PTPRD: variants seen among roughly 807,000 people sequenced by gnomAD.
PTPRD encodes protein tyrosine phosphatase receptor type D, also known as receptor-type tyrosine-protein phosphatase delta.
Under a neutral mutation model 214.5 loss-of-function variants are expected in PTPRD, and 34 were observed. The observed-to-expected ratio is 0.16, with a 90% CI of 0.12 to 0.21. The LOEUF (loss-of-function observed/expected upper bound fraction) is 0.21. PTPRD is among the 10% of genes least tolerant of loss of function. The probability of loss-of-function intolerance (pLI) is 1.00; values close to 1 mark genes in which losing one functional copy is unlikely to be tolerated. For synonymous variants in PTPRD, 1,128 were observed against 845.7 expected (o/e 1.33, Z -5.79); for missense variants, 2,545 against 2,398.7 (o/e 1.06, Z -1.27).
intron 7 of PTPRD, among the ~76,000 whole-genome samples, chr9:9,719,705 T>A (rs2097901557): frequency 6.6e-6 from 1 of 152,194 alleles, no homozygotes; most frequent in Non-Finnish European, 1.5e-5. Context: ...CCTTCTGGGA[T>A]CCCCGACCTC....
chr9:10,558,534 C>T (rs1404537891), intron 2 of PTPRD, among the ~76,000 whole-genome samples: 1 of 152,102 alleles, frequency 6.6e-6, no homozygotes, highest in Non-Finnish European at 1.5e-5. Flanking sequence ...GGTGCAGCTA[C>T]TTAGCCATGT....
intron 2 of PTPRD, among the ~76,000 whole-genome samples, chr9:10,451,260 T>G: frequency 6.6e-6 from 1 of 151,948 alleles, no homozygotes; most frequent in East Asian, 1.9e-4. Context: ...AGCAGAGAAA[T>G]AAATTATTGT....
chr9:8,741,212 GA>G (rs142984930), intron 11 of PTPRD, among the ~76,000 whole-genome samples: 12,009 of 150,182 alleles, frequency 0.08, 1,121 homozygotes, highest in African/African-American at 0.23. Context: ...AGATAGAAAG[GA>G]AAAAAAAACC....
intron 3 of PTPRD, among the ~76,000 whole-genome samples, chr9:10,279,858 C>T (rs2154392647): frequency 6.6e-6 from 1 of 152,194 alleles, no homozygotes; most frequent in African/African-American, 2.4e-5. Context: ...TACCAGTGCC[C>T]TTTTCTAGAA....
At chr9:9,236,505 C>T (rs1360963920) in intron 9 of PTPRD, among the ~76,000 whole-genome samples, 1 of 151,782 alleles carries the variant, frequency 6.6e-6, no homozygotes, top group Non-Finnish European at 1.5e-5. Flanking sequence ...TCCTGGGAGT[C>T]CCTGACACTC....
chr9:9,646,511 C>G (rs2096182868), intron 7 of PTPRD, among the ~76,000 whole-genome samples: 3 of 152,042 alleles, frequency 2.0e-5, no homozygotes, highest in African/African-American at 7.2e-5. Flanking sequence ...TGCTGGCTCG[C>G]TATGATGTAT....
rs866809596 is a variant in PTPRD, at chr9:9,135,431, T to C, written c.-143+47873A>G. Among the ~76,000 whole-genome samples the C allele has an allele frequency of 7.9e-5, 12 of 152,322 alleles. 1 individual carries two copies. In the South Asian group the frequency reaches 2.1e-3, roughly 26 times the overall value. On this transcript the variant is annotated intron_variant, in intron 10 of 45. Coordinates refer to ENST00000381196, the MANE Select transcript of PTPRD (RefSeq NM_002839.4). ...GTGTGTATACACAGAGTTTAAAGGA[T>C]TGAAGATGATGAGATCATTTTCCCT...
chr9:10,002,778 G>C (rs1368596434), intron 4 of PTPRD, among the ~76,000 whole-genome samples: 2 of 149,396 alleles, frequency 1.3e-5, no homozygotes, highest in Non-Finnish European at 3.0e-5. Flanking sequence ...TAGATAAAAT[G>C]AAAAAGTAGA....
rs182639246 is a variant in PTPRD, at chr9:9,286,782, A to G, written c.-202-103419T>C. Among the ~76,000 whole-genome samples the G allele has an allele frequency of 1.6e-3, 232 of 148,184 alleles. 1 individual carries two copies. The highest frequency in any genetic ancestry group is 5.4e-3 in the African/African-American group (219 of 40,354). ...TAGGCCAGTGTCTCATTTTTCTTTG[A>G]TCTTTCTGTTGATAGCATAGTGCCT... is the stretch of plus-strand genomic sequence containing the variant. On this transcript the variant is annotated intron_variant, in intron 9 of 45. Coordinates refer to ENST00000381196, the MANE Select transcript of PTPRD (RefSeq NM_002839.4).
At chr9:9,493,717 G>A (rs1461702102) in intron 8 of PTPRD, among the ~76,000 whole-genome samples, 1 of 148,716 alleles carries the variant, frequency 6.7e-6, no homozygotes, top group Non-Finnish European at 1.5e-5. Context: ...GAACCCAGGA[G>A]GCAGAGCTTG....
At chr9:8,728,362 A>G (rs1480621970) in intron 12 of PTPRD, among the ~76,000 whole-genome samples, 1 of 152,232 alleles carries the variant, frequency 6.6e-6, no homozygotes, top group Non-Finnish European at 1.5e-5. Context: ...TTTTTATTTT[A>G]CTTTCTAAGA....
intron 2 of PTPRD, among the ~76,000 whole-genome samples, chr9:10,465,304 A>T (rs2098986101): frequency 6.6e-6 from 1 of 152,196 alleles, no homozygotes; most frequent in African/African-American, 2.4e-5. Flanking sequence ...GCCGCAACAA[A>T]GTTCTTTTAG....
At chr9:9,830,041 C>G (rs189200292) in intron 5 of PTPRD, among the ~76,000 whole-genome samples, 96 of 151,692 alleles carry the variant, frequency 6.3e-4, no homozygotes, top group African/African-American at 2.3e-3. Context: ...AAAGCCTCAG[C>G]AAGTTTTCCT....
chr9:9,763,233 C>T (rs555719341), intron 6 of PTPRD, among the ~76,000 whole-genome samples: 20 of 152,236 alleles, frequency 1.3e-4, no homozygotes, highest in African/African-American at 4.6e-4. Flanking sequence ...ATAGAAATCA[C>T]ACATATGCAT....
At position 9,372,799 on chromosome 9, in the gene PTPRD, G is replaced by A. The variant is rs978844152; in HGVS notation, c.-203+24650C>T. On this transcript the variant is annotated intron_variant, in intron 9 of 45. Coordinates refer to ENST00000381196, the MANE Select transcript of PTPRD (RefSeq NM_002839.4). ...TGCTTCCTTCAGGAGCTCTTTTTGGGCAGGCCTGGTGGTGACAAAATCTCT... is the reference window on the plus strand; with the variant it reads ...TGCTTCCTTCAGGAGCTCTTTTTGGACAGGCCTGGTGGTGACAAAATCTCT... 1.2e-4 allele frequency among the ~76,000 whole-genome samples: 19 copies of A among 152,066 alleles called. 1 individual carries two copies. The highest frequency in any genetic ancestry group is 1.2e-3 in the South Asian group (6 of 4,832).
intron 12 of PTPRD, 77 bp downstream of exon 12, chr9:8,733,703 C>T: frequency 9.2e-6 from 13 of 1,406,936 alleles, no homozygotes; most frequent in Non-Finnish European, 1.3e-5. Context: ...TATTCAGAGG[C>T]CCTGAGCCTG....
chr9:8,651,957 G>C (rs1193236601), intron 12 of PTPRD, among the ~76,000 whole-genome samples: 1 of 152,214 alleles, frequency 6.6e-6, no homozygotes, highest in Non-Finnish European at 1.5e-5. Context: ...AGGCAGTGCA[G>C]ACCCTGGTAG....
chr9:8,502,838 ATG>A (rs144848141), intron 23 of PTPRD, among the ~76,000 whole-genome samples: 1 of 147,078 alleles, frequency 6.8e-6, no homozygotes, highest in African/African-American at 2.5e-5. Context: ...TTCAATATGT[ATG>A]TGTGTGTGTA....
chr9:10,318,914 C>A (rs2154425980), intron 3 of PTPRD, among the ~76,000 whole-genome samples: 1 of 152,170 alleles, frequency 6.6e-6, no homozygotes, highest in East Asian at 1.9e-4. Context: ...ACTCATAAGT[C>A]TGAAAATAGG....
Sources: gnomAD v4.1 joint callset for allele counts (sites outside exome capture counted in the v4.1 genomes callset) on GRCh38, gnomAD v4.1.1 for gene constraint, MANE v1.5 for transcripts, NCBI Gene and HGNC (gene_info 2026-07-23, HGNC 2026-07-21) for gene names.